GRAMD1B: variants seen among roughly 807,000 people sequenced by gnomAD.
The protein encoded by GRAMD1B is GRAM domain containing 1B.
GRAMD1B carries 37 observed loss-of-function variants against 99.7 expected under a neutral mutation model. The ratio of observed to expected loss-of-function variants is 0.37; its 90% CI spans 0.29 to 0.49. The LOEUF (loss-of-function observed/expected upper bound fraction) is 0.49. Ranked by LOEUF, GRAMD1B falls within the 20% of genes least tolerant of loss-of-function variation. GRAMD1B has a pLI of 0.98. For missense variants in GRAMD1B, 888 were observed against 1,009.2 expected, an observed-to-expected ratio of 0.88 and a Z score of 1.63; for synonymous variants, 427 against 387.6, an observed-to-expected ratio of 1.10 and a Z score of -1.19.
At chr11:123,549,058 G>A (rs1252438434) in intron 2 of GRAMD1B, among the ~76,000 whole-genome samples, 2 of 152,188 alleles carry the variant, frequency 1.3e-5, no homozygotes, top group African/African-American at 4.8e-5. Context: ...GGAGAGGAGA[G>A]GTAGTTAGTT....
chr11:123,552,555 TTC>T (rs146451224), intron 2 of GRAMD1B, among the ~76,000 whole-genome samples: 15,578 of 152,140 alleles, frequency 0.1, 901 homozygotes, highest in Middle Eastern at 0.15. Context: ...TCAGCCTGTC[TTC>T]TCTTTCAAAG....
At chr11:123,440,533 T>C (rs1949358836) in intron 1 of GRAMD1B, among the ~76,000 whole-genome samples, 1 of 152,152 alleles carries the variant, frequency 6.6e-6, no homozygotes, top group Non-Finnish European at 1.5e-5. Context: ...GTCAGCATAT[T>C]GTATCTAATA....
chr11:123,487,666 G>A (rs763452849), intron 2 of GRAMD1B, among the ~76,000 whole-genome samples: 31 of 152,300 alleles, frequency 2.0e-4, no homozygotes, highest in Non-Finnish European at 3.5e-4. Flanking sequence ...GTACAGTGAT[G>A]CAATCTCGGC....
chr11:123,549,419 G>A (rs1228510604), intron 2 of GRAMD1B, among the ~76,000 whole-genome samples: 3 of 152,084 alleles, frequency 2.0e-5, no homozygotes, highest in African/African-American at 7.2e-5. Flanking sequence ...GCGGGTGCCT[G>A]TAGTCCCAGC....
chr11:123,451,070 G>A (rs999073448), intron 1 of GRAMD1B, among the ~76,000 whole-genome samples: 1 of 152,164 alleles, frequency 6.6e-6, no homozygotes. Context: ...GTCCCATCAG[G>A]GTGGCAGAGA....
intron 2 of GRAMD1B, among the ~76,000 whole-genome samples, chr11:123,554,497 T>G (rs1284885106): frequency 4.8e-5 from 6 of 124,280 alleles, no homozygotes; most frequent in African/African-American, 1.9e-4. Flanking sequence ...CAGAGCAGCC[T>G]GGGCAACATA....
chr11:123,594,906 C>G, intron 6 of GRAMD1B, 68 bp downstream of exon 6: 1 of 814,402 alleles, frequency 1.2e-6, no homozygotes, highest in Non-Finnish European at 2.2e-6. Flanking sequence ...CCCTCGCTTT[C>G]TTCCTTTTGC....
intron 1 of GRAMD1B, among the ~76,000 whole-genome samples, chr11:123,400,993 G>A (rs2135915762): frequency 6.6e-6 from 1 of 152,182 alleles, no homozygotes; most frequent in South Asian, 2.1e-4. Flanking sequence ...CAGAAGGTCT[G>A]AAAACAGAGC....
intron 11 of GRAMD1B, among the ~76,000 whole-genome samples, chr11:123,607,089 G>A (rs1293870565): frequency 6.6e-6 from 1 of 152,184 alleles, no homozygotes; most frequent in African/African-American, 2.4e-5. Context: ...CGCAAGTCTA[G>A]GCAATGTTTA....
intron 7 of GRAMD1B, among the ~76,000 whole-genome samples, chr11:123,599,950 A>C (rs1951749726): frequency 6.6e-6 from 1 of 152,202 alleles, no homozygotes; most frequent in African/African-American, 2.4e-5. Flanking sequence ...AATCTTCATT[A>C]CTTTCTTTCT....
intron 1 of GRAMD1B, among the ~76,000 whole-genome samples, chr11:123,469,757 CCTT>C (rs1950901696): frequency 8.5e-6 from 1 of 117,662 alleles, no homozygotes; most frequent in South Asian, 2.7e-4. Context: ...TTCTTTCTTT[CCTT>C]CTTTCTTTCT....
At chr11:123,464,601 A>G (rs773731844) in intron 1 of GRAMD1B, among the ~76,000 whole-genome samples, 14 of 152,228 alleles carry the variant, frequency 9.2e-5, no homozygotes, top group Non-Finnish European at 1.8e-4. Flanking sequence ...AAACTCCTTC[A>G]GGCTCCAACC....
At position 123,530,416 on chromosome 11, in the gene GRAMD1B, C is replaced by T. The variant is rs550809414; in HGVS notation, c.453-46951C>T. On this transcript the variant is annotated intron_variant, in intron 2 of 19. Transcript: ENST00000635736. ...TTTTGAGACAGAGTTTCACTCTTGT[C>T]ACCCAGGCTGGAGTGAAGTGGCGAG... Among the ~76,000 whole-genome samples, 18 of 152,270 alleles carry T rather than the reference C, an allele frequency of 1.2e-4. No homozygotes were observed. In the East Asian group the frequency reaches 2.9e-3, roughly 25 times the overall value.
chr11:123,551,914 C>T (rs1280318228), intron 2 of GRAMD1B, among the ~76,000 whole-genome samples: 1 of 152,194 alleles, frequency 6.6e-6, no homozygotes, highest in Non-Finnish European at 1.5e-5. Flanking sequence ...TTCTCTGCAG[C>T]CCCTGGGCTC....
intron 1 of GRAMD1B, among the ~76,000 whole-genome samples, chr11:123,366,875 A>G (rs2135707869): frequency 6.6e-6 from 1 of 152,254 alleles, no homozygotes; most frequent in South Asian, 2.1e-4. Flanking sequence ...TTTCCACATT[A>G]TCACTTTATA....
At chr11:123,474,411 G>A (rs554866374) in intron 1 of GRAMD1B, among the ~76,000 whole-genome samples, 36 of 152,250 alleles carry the variant, frequency 2.4e-4, no homozygotes, top group Middle Eastern at 3.4e-3. Context: ...TAGAATGTGC[G>A]TCTCTCTGAC....
chr11:123,396,216 T>G (rs1221432043), intron 1 of GRAMD1B, among the ~76,000 whole-genome samples: 1 of 144,748 alleles, frequency 6.9e-6, no homozygotes, highest in African/African-American at 2.5e-5. Context: ...TTTTTTTAGA[T>G]GGAAAAGTCC....
At chr11:123,421,675 A>C (rs948137098) in intron 1 of GRAMD1B, among the ~76,000 whole-genome samples, 2 of 152,240 alleles carry the variant, frequency 1.3e-5, no homozygotes, top group Non-Finnish European at 2.9e-5. Flanking sequence ...AGACAGAATT[A>C]ATATATCTTC....
chr11:123,566,867 G>C (rs1340704478), intron 2 of GRAMD1B, among the ~76,000 whole-genome samples: 1 of 152,188 alleles, frequency 6.6e-6, no homozygotes, highest in Non-Finnish European at 1.5e-5. Flanking sequence ...GGAGGTACTG[G>C]GGAAGCACAC....
Sources: allele counts gnomAD v4.1 joint callset (sites outside exome capture counted in the v4.1 genomes callset), GRCh38; gene constraint gnomAD v4.1.1; transcripts MANE v1.5; gene names NCBI Gene and HGNC (gene_info 2026-07-23, HGNC 2026-07-21).